The following SNRPD3 variants were observed in gnomAD, a reference collection of about 807,000 sequenced individuals.
SNRPD3 encodes the protein small nuclear ribonucleoprotein D3 polypeptide, also known as small nuclear ribonucleoprotein Sm D3.
For synonymous variants in SNRPD3, 66 were observed against 58.4 expected (o/e 1.13, Z -0.59); for missense variants, 73 against 167.5 (o/e 0.44, Z 3.11).
At chr22:24,563,974 T>C (rs983249530) in intron 2 of SNRPD3, among the ~76,000 whole-genome samples, 1 of 147,792 alleles carries the variant, frequency 6.8e-6, no homozygotes, top group African/African-American at 2.5e-5. Context: ...TTTAGACACC[T>C]AGCCCTCTAG....
At chr22:24,562,659 A>G (rs2045154853) in intron 2 of SNRPD3, among the ~76,000 whole-genome samples, 1 of 152,182 alleles carries the variant, frequency 6.6e-6, no homozygotes, top group African/African-American at 2.4e-5. Flanking sequence ...GGCTGCATTA[A>G]GCTCTGGTCG....
At chr22:24,564,274 G>A (rs967270104) in intron 2 of SNRPD3, among the ~76,000 whole-genome samples, 1 of 152,116 alleles carries the variant, frequency 6.6e-6, no homozygotes, top group Admixed American at 6.5e-5. Flanking sequence ...TCTCCATCTT[G>A]GCCCCAGGTA....
rs548503367 is a variant in SNRPD3, at chr22:24,562,416, C to T, written c.126+4616C>T. ...AAAATTAGCCAGGTGTGGTGGCGGG[C>T]GCCTGTAGTCCCAGCTACTCGGGAG... On this transcript the variant is annotated intron_variant, in intron 2 of 3. Coordinates refer to ENST00000215829, the MANE Select transcript of SNRPD3 (RefSeq NM_004175.5). Among the ~76,000 whole-genome samples, 26 of 152,092 alleles carry T rather than the reference C, an allele frequency of 1.7e-4. No homozygotes were observed. In the South Asian group the frequency reaches 4.4e-3, roughly 25 times the overall value.
Position 24,568,202 on chromosome 22 carries a change from TA to T in SNRPD3, c.319+30del, listed in dbSNP as rs764783407. On this transcript the variant is annotated intron_variant, in intron 3 of 3. Coordinates refer to ENST00000215829, the MANE Select transcript of SNRPD3 (RefSeq NM_004175.5). ...GTAGGTGCTTTTCATGCACAGGTTT[TA>T]AAATATAGGTTTGTCTTGTGTCTTG... The T allele has an allele frequency of 3.8e-6, 6 of 1,572,542 alleles. No individual in the cohort carries two copies. The African/African-American group carries it at 6.8e-5, about 18-fold the overall frequency.
At chr22:24,567,174 C>T (rs573448642) in intron 2 of SNRPD3, among the ~76,000 whole-genome samples, 16 of 152,226 alleles carry the variant, frequency 1.1e-4, no homozygotes, top group Non-Finnish European at 1.9e-4. Context: ...AGAGTATGCA[C>T]TCTGGAGGGT....
At position 24,563,206 on chromosome 22, in the gene SNRPD3, ATGTG is replaced by A. The variant is rs1177387267; in HGVS notation, c.127-4744_127-4741del. On this transcript the variant is annotated intron_variant, in intron 2 of 3. Transcript: ENST00000215829. ...AACACAGTGAGACCCTGTCTCATAT[ATGTG>A]TGTGTGTGTGTGTGTGTGTGTGTGT... Among the ~76,000 whole-genome samples, 229 of 106,230 alleles carry A rather than the reference ATGTG, an allele frequency of 2.2e-3. 1 individual carries two copies. In the East Asian group the frequency reaches 0.026, roughly 12 times the overall value. The allele number at this position is 106,230 out of a possible 152,430, so 69.7% of individuals were successfully genotyped here. A position where few individuals can be genotyped will look rare whatever the true frequency, so the allele number is the denominator to read the frequency against.
At chr22:24,565,239 G>C (rs2045185970) in intron 2 of SNRPD3, among the ~76,000 whole-genome samples, 1 of 152,040 alleles carries the variant, frequency 6.6e-6, no homozygotes, top group East Asian at 1.9e-4. Flanking sequence ...GTGTGAGTTA[G>C]AAAGAACTGG....
In SNRPD3 at chr22:24,572,266, G is replaced by A; in HGVS notation, c.*289G>A. The A allele has an allele frequency of 1.6e-6, 1 of 613,604 alleles. No homozygotes were observed. Among genetic ancestry groups the A allele is most frequent in the Non-Finnish European group, 2.9e-6 (1 of 348,558 alleles). 38.0% of individuals were successfully genotyped at this position (613,604 alleles called of 1,614,324 possible). ...TTTGAAATAGCACAGCTATTGATGA[G>A]ATTTTAAGCTGCTGTTCCTGGCCAG... On this transcript the variant is annotated 3_prime_UTR_variant, in exon 4 of 4. Coordinates refer to ENST00000215829, the MANE Select transcript of SNRPD3 (RefSeq NM_004175.5).
intron 1 of SNRPD3, 41 bp downstream of exon 1, chr22:24,556,112 G>A: frequency 1.8e-6 from 1 of 553,832 alleles, no homozygotes; most frequent in South Asian, 2.3e-5. Flanking sequence ...AGGCGCCTGT[G>A]AGGGGCCAGG....
At position 24,564,080 on chromosome 22, in the gene SNRPD3, A is replaced by G. The variant is rs571668829; in HGVS notation, c.127-3904A>G. ...CATTCATCATGCTCCTCTACCCCAT[A>G]ATACTTTTGTATTTCCTAAGAACAA... On this transcript the variant is annotated intron_variant, in intron 2 of 3. Coordinates refer to ENST00000215829, the MANE Select transcript of SNRPD3 (RefSeq NM_004175.5). 4.6e-5 allele frequency among the ~76,000 whole-genome samples: 7 copies of G among 152,246 alleles called. No homozygotes were observed. The South Asian group carries it at 1.5e-3, about 32-fold the overall frequency.
chr22:24,556,726 A>G (rs1216370760), intron 1 of SNRPD3, among the ~76,000 whole-genome samples: 2 of 152,232 alleles, frequency 1.3e-5, no homozygotes, highest in South Asian at 4.1e-4. Context: ...GTGGTTCTCC[A>G]CTACCTTCAG....
At position 24,574,747 on chromosome 22, in the gene SNRPD3, G is replaced by C. The variant is rs2045275960; in HGVS notation, c.*2770G>C. Among the ~76,000 whole-genome samples the C allele has an allele frequency of 6.6e-6, 1 of 152,102 alleles. No homozygotes were observed. Among genetic ancestry groups the C allele is most frequent in the African/African-American group, 2.4e-5 (1 of 41,410 alleles). On this transcript the variant is annotated 3_prime_UTR_variant, in exon 4 of 4. Coordinates refer to ENST00000215829, the MANE Select transcript of SNRPD3 (RefSeq NM_004175.5). Reference sequence around the variant, plus strand: ...TGTAGAGACAGGGTTTTGCCATGTTGCCCAAGCTGGTCTTGAACTCCGGGG... The same window carrying C: ...TGTAGAGACAGGGTTTTGCCATGTTCCCCAAGCTGGTCTTGAACTCCGGGG...
chr22:24,557,815 A>C lies in SNRPD3; in HGVS notation c.126+15A>C. 7 of 1,600,554 alleles carry C rather than the reference A, an allele frequency of 4.4e-6. No homozygotes were observed. The highest frequency in any genetic ancestry group is 6.0e-6 in the Non-Finnish European group (7 of 1,173,284). ...TGAACTGCCAGGTATTCTGCTTTGCATGTGAGGCTGTGTGGGAGGAATGGC... is the reference window on the plus strand; with the variant it reads ...TGAACTGCCAGGTATTCTGCTTTGCCTGTGAGGCTGTGTGGGAGGAATGGC... On this transcript the variant is annotated intron_variant, in intron 2 of 3. Coordinates refer to ENST00000215829, the MANE Select transcript of SNRPD3 (RefSeq NM_004175.5).
chr22:24,571,750 T>TA lies in SNRPD3; in HGVS notation c.320-153dup, dbSNP rs1555893405. On this transcript the variant is annotated intron_variant, in intron 3 of 3. Transcript: ENST00000215829. The stretch of plus-strand genomic sequence containing the variant: ...CAGAGTGGGACTCCGTCTCAAAAAA[T>TA]AAAAAAAAAAAAAGGCGGGAGGTGG... Among the ~76,000 whole-genome samples the TA allele has an allele frequency of 2.6e-3, 339 of 131,496 alleles. 1 individual carries two copies. Among genetic ancestry groups the TA allele is most frequent in the African/African-American group, 7.0e-3 (247 of 35,452 alleles). The allele number at this position is 131,496 out of a possible 152,430, so 86.3% of individuals were successfully genotyped here. A position where few individuals can be genotyped will look rare whatever the true frequency, so the allele number is the denominator to read the frequency against.
chr22:24,571,765 G>A (rs2045252339), intron 3 of SNRPD3, 151 bp from the exon 4 acceptor site: 1 of 675,102 alleles, frequency 1.5e-6, no homozygotes, highest in Admixed American at 2.9e-5. Flanking sequence ...AAAAAAAAAG[G>A]CGGGAGGTGG....
At chr22:24,568,979 G>T (rs1323176868) in intron 3 of SNRPD3, among the ~76,000 whole-genome samples, 2 of 152,186 alleles carry the variant, frequency 1.3e-5, no homozygotes, top group Non-Finnish European at 2.9e-5. Flanking sequence ...GAAATGCTGG[G>T]ATTACCAGTG....
intron 2 of SNRPD3, among the ~76,000 whole-genome samples, chr22:24,560,640 G>A (rs1231289807): frequency 6.6e-6 from 1 of 150,550 alleles, no homozygotes; most frequent in African/African-American, 2.4e-5. Context: ...ATGTTGCCCA[G>A]GCTGGTCTCA....
chr22:24,573,048 C>T lies in SNRPD3; in HGVS notation c.*1071C>T, dbSNP rs5760480. Among the ~76,000 whole-genome samples, 146,197 of 152,132 alleles carry T rather than the reference C, an allele frequency of 0.96. 70,435 individuals carry two copies. The highest frequency in any genetic ancestry group is 1 in the Non-Finnish European group (67,939 of 68,020). ...TGAGACCCTGTCTCTACAAAAAATT[C>T]TAAAAATTAACTTGGCATGGTGGTG... On this transcript the variant is annotated 3_prime_UTR_variant, in exon 4 of 4. Transcript: ENST00000215829.
In SNRPD3 at chr22:24,570,312, G is replaced by A. The variant is rs188576317; in HGVS notation, c.320-1604G>A. Among the ~76,000 whole-genome samples, 157 of 152,318 alleles carry A rather than the reference G, an allele frequency of 1.0e-3. 2 individuals carry two copies. Among genetic ancestry groups the A allele is most frequent in the African/African-American group, 3.6e-3 (150 of 41,568 alleles). ...CTTCTGAGGCCTAAAGTGCCCCAATGTTATAACAAAAGACTATAACAAGGA... is the reference window on the plus strand; with the variant it reads ...CTTCTGAGGCCTAAAGTGCCCCAATATTATAACAAAAGACTATAACAAGGA... On this transcript the variant is annotated intron_variant, in intron 3 of 3. Coordinates refer to ENST00000215829, the MANE Select transcript of SNRPD3 (RefSeq NM_004175.5).
Sources: allele counts gnomAD v4.1 joint callset (sites outside exome capture counted in the v4.1 genomes callset), GRCh38; gene constraint gnomAD v4.1.1; transcripts MANE v1.5; gene names NCBI Gene and HGNC (gene_info 2026-07-23, HGNC 2026-07-21).